RNF169: variants seen among roughly 807,000 people sequenced by gnomAD.
RNF169 encodes the protein ring finger protein 169, also known as E3 ubiquitin-protein ligase RNF169.
Under a neutral mutation model 53.9 loss-of-function variants are expected in RNF169, and 24 were observed. That is an observed-to-expected ratio of 0.45 (90% CI 0.32 to 0.63). RNF169 has a LOEUF of 0.63. RNF169 is among the 20% of genes least tolerant of loss of function. The pLI is 0.04. For synonymous variants in RNF169, 396 were observed against 363.5 expected (o/e 1.09, Z -1.02); for missense variants, 883 against 906.2 (o/e 0.97, Z 0.33).
chr11:74,839,069 A>G lies in RNF169; in HGVS notation c.*2339A>G, dbSNP rs1384960605. On this transcript the variant is annotated 3_prime_UTR_variant, in exon 6 of 6. Transcript: ENST00000299563. ...TTCCCCAAATTAATACTTTCATTTT[A>G]AGAATTGCATAGCAGTTGTAACAAG... 6.6e-6 allele frequency: 1 copy of G among 152,234 alleles called. No individual in the cohort carries two copies. The highest frequency in any genetic ancestry group is 1.5e-5 in the Non-Finnish European group (1 of 68,034). 9.4% of individuals were successfully genotyped at this position (152,234 alleles called of 1,614,324 possible).
At chr11:74,803,803 A>ATT (rs1208350359) in intron 2 of RNF169, among the ~76,000 whole-genome samples, 1 of 152,260 alleles carries the variant, frequency 6.6e-6, no homozygotes, top group Non-Finnish European at 1.5e-5. Context: ...GTTGATAAAC[A>ATT]ATTATGAAGA....
chr11:74,810,233 A>G lies in RNF169; in HGVS notation c.626A>G (p.His209Arg). The change falls in exon 3 of 6, where the codon CAC becomes CGC. Residue 209 changes from histidine (H) to arginine (R), a missense_variant. Physicochemically the swap from His to Arg is conservative, Grantham distance 29. Around this residue, in one of 3 missense-constraint regions of RNF169, gnomAD observed 219 missense variants for 289.1 expected, o/e 0.76. Coordinates refer to ENST00000299563, the MANE Select transcript of RNF169 (RefSeq NM_001098638.2). ...QEEKPSEDQI[H>R]KLLPEDTETG... ...GAAAAACCCTCTGAAGATCAAATCC[A>G]CAAGCTGTTACCAGAGGATACAGAA... The G allele has an allele frequency of 6.2e-7, 1 of 1,613,522 alleles. No homozygotes were observed. Among genetic ancestry groups the G allele is most frequent in the African/African-American group, 1.3e-5 (1 of 75,034 alleles).
chr11:74,838,371 G>A lies in RNF169; in HGVS notation c.*1641G>A, dbSNP rs1199077599. The A allele has an allele frequency of 6.6e-6, 1 of 152,224 alleles. No individual in the cohort carries two copies. The highest frequency in any genetic ancestry group is 1.9e-4 in the East Asian group (1 of 5,196). 9.4% of individuals were successfully genotyped at this position (152,224 alleles called of 1,614,324 possible). A position where few individuals can be genotyped will look rare whatever the true frequency, so the allele number is the denominator to read the frequency against. ...GAGAGAGAGAGAGAATGTAATGTCT[G>A]AGACTAGCCAGCAGCTATTTGAAGC... On this transcript the variant is annotated 3_prime_UTR_variant, in exon 6 of 6. Transcript: ENST00000299563.
Position 74,836,335 on chromosome 11 carries a change from C to T in RNF169, c.1732C>T (p.Pro578Ser). Reference sequence around the variant, plus strand: ...AATCACCACAGTTAATTCAGTGCTACCCCAAAACAGTGTTTTGGGTGGAGT... The same window carrying T: ...AATCACCACAGTTAATTCAGTGCTATCCCAAAACAGTGTTTTGGGTGGAGT... ...MKITTVNSVL[P>S]QNSVLGGVLK... The change falls in exon 6 of 6, where the codon CCC becomes TCC. Residue 578 changes from proline (P) to serine (S), a missense_variant. Transcript: ENST00000299563. The T allele has an allele frequency of 1.2e-6, 2 of 1,614,096 alleles. No homozygotes were observed. Among genetic ancestry groups the T allele is most frequent in the Non-Finnish European group, 1.7e-6 (2 of 1,179,964 alleles).
chr11:74,831,374 A>G (rs1200856040), intron 4 of RNF169: 1 of 152,238 alleles, frequency 6.6e-6, no homozygotes, highest in East Asian at 1.9e-4. Flanking sequence ...AAAGGTAACT[A>G]TGAAAACAAT....
chr11:74,776,507 C>G (rs1431825601), intron 1 of RNF169, among the ~76,000 whole-genome samples: 1 of 98,776 alleles, frequency 1.0e-5, no homozygotes, highest in African/African-American at 4.7e-5. Context: ...TTGGTTCATT[C>G]AGCCAAAAAA....
intron 1 of RNF169, among the ~76,000 whole-genome samples, chr11:74,752,118 G>C (rs2034904678): frequency 6.7e-6 from 1 of 149,840 alleles, no homozygotes; most frequent in South Asian, 2.1e-4. Flanking sequence ...TGTAGTCCCA[G>C]CTACTTGGGA....
At chr11:74,749,439 C>G (rs1379841821) in intron 1 of RNF169, 57 bp downstream of exon 1, 5 of 1,207,940 alleles carry the variant, frequency 4.1e-6, no homozygotes, top group Admixed American at 7.1e-5. Flanking sequence ...CGCCCCGGCC[C>G]GGCCTGGTGA....
chr11:74,777,560 G>T (rs984826122), intron 1 of RNF169, among the ~76,000 whole-genome samples: 83 of 152,014 alleles, frequency 5.5e-4, no homozygotes, highest in African/African-American at 2.0e-3. Context: ...CTTGTTGTTG[G>T]GGCCATTTCT....
Position 74,836,298 on chromosome 11 carries a change from C to G in RNF169, c.1695C>G (p.Ser565Arg). The G allele has an allele frequency of 6.2e-7, 1 of 1,614,166 alleles. No individual in the cohort carries two copies. The highest frequency in any genetic ancestry group is 8.5e-7 in the Non-Finnish European group (1 of 1,180,028). ...CCAAGTTAGACAAAACCTGTATAAG[C>G]AGAGCCATGAAAATCACCACAGTTA... is the stretch of plus-strand genomic sequence containing the variant. ...PDAKLDKTCI[S>R]RAMKITTVNS... Residue 565 changes from serine to arginine, a missense_variant, in exon 6 of 6, where the codon AGC becomes AGG. Physicochemically the swap from Ser to Arg is moderately radical, Grantham distance 110. Around this residue, in one of 3 missense-constraint regions of RNF169, gnomAD observed 351 missense variants for 337.3 expected, o/e 1.04. Coordinates refer to ENST00000299563, the MANE Select transcript of RNF169 (RefSeq NM_001098638.2).
chr11:74,763,977 G>C (rs1463806475), intron 1 of RNF169, among the ~76,000 whole-genome samples: 2 of 152,172 alleles, frequency 1.3e-5, no homozygotes, highest in Non-Finnish European at 2.9e-5. Context: ...CTCCCAAAGT[G>C]TTGGCATTAC....
chr11:74,834,810 G>A, intron 5 of RNF169, 35 bp downstream of exon 5: 1 of 1,469,172 alleles, frequency 6.8e-7, no homozygotes, highest in Non-Finnish European at 9.5e-7. Flanking sequence ...GGGCTTGTGA[G>A]GCTTGCCCCA....
intron 2 of RNF169, among the ~76,000 whole-genome samples, chr11:74,795,306 G>A (rs978829850): frequency 6.9e-6 from 1 of 145,254 alleles, no homozygotes; most frequent in Non-Finnish European, 1.5e-5. Context: ...TGTAGCCTTT[G>A]TCTCCTGGGC....
rs775957666 is a variant in RNF169 at position 74,748,919 on chromosome 11, G to T, written c.39G>T (p.Ala13=). Residue 13 remains alanine, a synonymous_variant, in exon 1 of 6, where the codon GCG becomes GCT. Coordinates refer to ENST00000299563, the MANE Select transcript of RNF169 (RefSeq NM_001098638.2). The part of the protein sequence containing the change: ...AAGPSTRASS[A]AAAAALSRRG... ...GTCCGAGTACTCGGGCCTCTTCCGC[G>T]GCGGCAGCAGCCGCTCTGAGTCGGC... 7 of 1,448,100 alleles carry T rather than the reference G, an allele frequency of 4.8e-6. No individual in the cohort carries two copies. The African/African-American group carries it at 8.9e-5, about 18-fold the overall frequency. The allele number at this position is 1,448,100 out of a possible 1,614,324, so 89.7% of individuals were successfully genotyped here.
Position 74,836,110 on chromosome 11 carries a change from C to A in RNF169, c.1507C>A (p.His503Asn). The A allele has an allele frequency of 6.2e-7, 1 of 1,614,162 alleles. No homozygotes were observed. The highest frequency in any genetic ancestry group is 1.1e-5 in the South Asian group (1 of 91,070). The part of the protein sequence containing the change: ...YTGPTSADLD[H>N]FPSVSQTKAE... ...TGGACCCACCTCTGCTGATCTTGAT[C>A]ATTTCCCCTCTGTTAGCCAAACAAA... The change falls in exon 6 of 6, where the codon CAT (histidine) becomes AAT (asparagine). Residue 503 changes from histidine (H) to asparagine (N), a missense_variant. Coordinates refer to ENST00000299563, the MANE Select transcript of RNF169 (RefSeq NM_001098638.2).
At position 74,749,150 on chromosome 11, in the gene RNF169, C is replaced by G. The variant is rs2034842057; in HGVS notation, c.270C>G (p.Gly90=). 7.8e-7 allele frequency: 1 copy of G among 1,275,490 alleles called. No homozygotes were observed. The highest frequency in any genetic ancestry group is 1.6e-5 in the African/African-American group (1 of 64,406). 79.0% of individuals were successfully genotyped at this position (1,275,490 alleles called of 1,614,324 possible). The change falls in exon 1 of 6, where the codon GGC becomes GGG. Residue 90 remains glycine, a synonymous_variant. Transcript: ENST00000299563. ...ALPCGHSLCR[G]CAQRAADAAG... ...CGTGCGGCCACTCGCTTTGCCGAGG[C>G]TGCGCCCAACGCGCCGCCGACGCGG...
chr11:74,794,286 T>C (rs2035617278), intron 2 of RNF169, among the ~76,000 whole-genome samples: 1 of 152,056 alleles, frequency 6.6e-6, no homozygotes, highest in Admixed American at 6.6e-5. Context: ...TTGTCAGAAG[T>C]GTGATGGAGA....
intron 4 of RNF169, among the ~76,000 whole-genome samples, chr11:74,818,965 CTTTA>C (rs954611586): frequency 3.3e-5 from 5 of 151,934 alleles, no homozygotes; most frequent in African/African-American, 4.8e-5. Context: ...TACTTAATGT[CTTTA>C]TTTGTCATTA....
chr11:74,763,945 C>T (rs1271796074), intron 1 of RNF169, among the ~76,000 whole-genome samples: 1 of 152,326 alleles, frequency 6.6e-6, no homozygotes, highest in African/African-American at 2.4e-5. Flanking sequence ...CTCCCAGGCT[C>T]AAGTGATCCT....
Sources: allele counts gnomAD v4.1 joint callset (sites outside exome capture counted in the v4.1 genomes callset), GRCh38; gene constraint gnomAD v4.1.1; regional missense constraint gnomAD v4.1.1; transcripts MANE v1.5; gene names NCBI Gene and HGNC (gene_info 2026-07-23, HGNC 2026-07-21).